Variants in NEBL observed in about 807,000 individuals in gnomAD.
The protein encoded by NEBL is nebulette, also known as LIM and SH3 protein 2.
A neutral mutation model predicts 140.2 loss-of-function variants in NEBL; 122 were observed. The observed-to-expected ratio is 0.87, with a 90% CI of 0.75 to 1.01. The LOEUF (loss-of-function observed/expected upper bound fraction) is 1.01. NEBL is among the 50% of genes least tolerant of loss of function. The pLI, the probability that NEBL is intolerant of heterozygous loss-of-function variation, is 0.00. For missense variants in NEBL, 1,365 were observed against 1,231.3 expected (o/e 1.11, Z -1.62); for synonymous variants, 436 against 398.9 (o/e 1.09, Z -1.11).
intron 5 of NEBL, among the ~76,000 whole-genome samples, chr10:20,878,857 C>T (rs1343422373): frequency 1.3e-5 from 2 of 152,120 alleles, no homozygotes; most frequent in African/African-American, 2.4e-5. Context: ...CAATCAAAGA[C>T]CTTTTAGAAG....
At chr10:20,815,840 C>T in intron 21 of NEBL, 123 bp from the exon 22 acceptor site, 1 of 741,434 alleles carries the variant, frequency 1.3e-6, no homozygotes, top group Non-Finnish European at 2.4e-6. Context: ...ACAATCTTTG[C>T]TCACCACAGC....
At chr10:20,804,000 C>A (rs1293053317) in intron 26 of NEBL, among the ~76,000 whole-genome samples, 1 of 151,576 alleles carries the variant, frequency 6.6e-6, no homozygotes, top group East Asian at 1.9e-4. Flanking sequence ...TATATTTATG[C>A]ATGTGGTCCT....
chr10:20,944,039 C>G (rs1835034870), intron 4 of NEBL, among the ~76,000 whole-genome samples: 1 of 152,210 alleles, frequency 6.6e-6, no homozygotes. Context: ...TATGGTTCAC[C>G]ATCTAACTTT....
At chr10:21,131,657 G>A (rs1330368310) in intron 2 of NEBL, among the ~76,000 whole-genome samples, 1 of 123,736 alleles carries the variant, frequency 8.1e-6, no homozygotes, top group African/African-American at 2.9e-5. Flanking sequence ...TAGAACCTCT[G>A]GTGTGTATGA....
At chr10:21,237,613 GTTC>G (rs1842374733) in intron 3 of NEBL, among the ~76,000 whole-genome samples, 1 of 151,266 alleles carries the variant, frequency 6.6e-6, no homozygotes, top group Non-Finnish European at 1.5e-5. Context: ...TCTCCCTGAT[GTTC>G]TTTTTTGTGA....
intron 21 of NEBL, among the ~76,000 whole-genome samples, chr10:20,816,158 G>T (rs1433818716): frequency 6.6e-6 from 1 of 152,088 alleles, no homozygotes. Flanking sequence ...TAAAATGCTG[G>T]CATCTTAAAT....
intron 19 of NEBL, among the ~76,000 whole-genome samples, chr10:20,822,028 C>T (rs927991343): frequency 1.3e-5 from 2 of 152,182 alleles, no homozygotes; most frequent in Non-Finnish European, 2.9e-5. Context: ...CGTCCTTCTG[C>T]GTTTGCACAG....
At chr10:21,288,851 A>ATATATATATATATATATATATAT (rs1337610393) in intron 1 of NEBL, among the ~76,000 whole-genome samples, 1 of 32,172 alleles carries the variant, frequency 3.1e-5, no homozygotes, top group African/African-American at 1.0e-4. Flanking sequence ...TATATATATA[A>ATATATATATATATATATATATAT]AAATTTTTTT....
At chr10:20,829,536 T>A (rs1588710508) in intron 16 of NEBL, among the ~76,000 whole-genome samples, 2 of 151,860 alleles carry the variant, frequency 1.3e-5, no homozygotes, top group East Asian at 3.9e-4. Context: ...TGTATACATA[T>A]GTAACTAACC....
intron 4 of NEBL, among the ~76,000 whole-genome samples, chr10:20,943,917 C>T (rs754814195): frequency 2.6e-5 from 4 of 152,164 alleles, no homozygotes; most frequent in African/African-American, 4.8e-5. Flanking sequence ...TCTCTTGGGT[C>T]GTCTGTATCC....
At chr10:20,844,996 C>G (rs1328309786) in intron 12 of NEBL, among the ~76,000 whole-genome samples, 1 of 152,160 alleles carries the variant, frequency 6.6e-6, no homozygotes, top group African/African-American at 2.4e-5. Context: ...TGAGCTACAA[C>G]TAAAACAAAA....
chr10:20,947,405 T>C (rs553740037), intron 4 of NEBL, among the ~76,000 whole-genome samples: 80 of 152,216 alleles, frequency 5.3e-4, no homozygotes, highest in African/African-American at 1.8e-3. Flanking sequence ...CTAGAAAGTG[T>C]CAAACTCACC....
intron 2 of NEBL, among the ~76,000 whole-genome samples, chr10:21,045,460 T>G (rs1294403854): frequency 2.6e-5 from 4 of 152,242 alleles, no homozygotes; most frequent in Admixed American, 2.6e-4. Flanking sequence ...CTGTGAATGT[T>G]CAATTGCTTA....
At chr10:21,106,640 T>G (rs1414147249) in intron 2 of NEBL, among the ~76,000 whole-genome samples, 1 of 152,208 alleles carries the variant, frequency 6.6e-6, no homozygotes, top group Non-Finnish European at 1.5e-5. Flanking sequence ...ACTTTGTTCT[T>G]TTTGCTTAGG....
rs369228991 is a variant in NEBL, at chr10:21,103,308, G to A, written c.164+69075C>T. ...GGCCCACTGCAAGCTCCGCCTTCCG[G>A]GTTCATGCCATTCTCCTGCCTCAGC... On this transcript the variant is annotated intron_variant, in intron 2 of 6. Coordinates refer to the NEBL transcript ENST00000417816. 4.5e-4 allele frequency among the ~76,000 whole-genome samples: 68 copies of A among 151,614 alleles called. No individual in the cohort carries two copies. The East Asian group carries it at 0.012, about 26-fold the overall frequency.
chr10:21,219,610 A>G (rs1842040033), intron 3 of NEBL, among the ~76,000 whole-genome samples: 1 of 152,110 alleles, frequency 6.6e-6, no homozygotes, highest in Admixed American at 6.6e-5. Flanking sequence ...GAATTCTAGG[A>G]CTGTTTTTTT....
At chr10:20,817,313 G>A (rs935374835) in intron 21 of NEBL, among the ~76,000 whole-genome samples, 1 of 152,166 alleles carries the variant, frequency 6.6e-6, no homozygotes. Flanking sequence ...GTTGCAGTGA[G>A]TCAAGATTGT....
At chr10:21,169,067 A>AAATATATATATAT (rs1554830679) in intron 2 of NEBL, among the ~76,000 whole-genome samples, 19 of 23,060 alleles carry the variant, frequency 8.2e-4, no homozygotes, top group Non-Finnish European at 1.3e-3. Flanking sequence ...AAAAAAAAAA[A>AAATATATATATAT]ATATATATAT....
chr10:21,020,932 C>T (rs914529771), intron 2 of NEBL, among the ~76,000 whole-genome samples: 3 of 152,152 alleles, frequency 2.0e-5, no homozygotes, highest in East Asian at 1.9e-4. Context: ...CTGACTACTC[C>T]GAAGTCTGAG....
Sources: gnomAD v4.1 joint callset for allele counts (sites outside exome capture counted in the v4.1 genomes callset) on GRCh38, gnomAD v4.1.1 for gene constraint, MANE v1.5 for transcripts, NCBI Gene and HGNC (gene_info 2026-07-23, HGNC 2026-07-21) for gene names.